Variants in PBRM1 observed in about 807,000 individuals in gnomAD.
PBRM1 encodes the protein polybromo 1.
In PBRM1, 27 loss-of-function variants were observed where a neutral mutation model predicts 194.5. That is an observed-to-expected ratio of 0.14 (90% CI 0.10 to 0.19). The LOEUF is 0.19. Ranked by LOEUF, PBRM1 falls within the 10% of genes least tolerant of loss-of-function variation. PBRM1 has a pLI of 1.00. For missense variants in PBRM1, 1,466 were observed against 2,077.2 expected (o/e 0.71, Z 5.72); for synonymous variants, 655 against 693.2 (o/e 0.94, Z 0.87).
At chr3:52,652,111 C>A (rs115689148) in intron 5 of PBRM1, among the ~76,000 whole-genome samples, 1 of 152,164 alleles carries the variant, frequency 6.6e-6, no homozygotes, top group Non-Finnish European at 1.5e-5. Flanking sequence ...GGGCCGGGTG[C>A]GGTAGCTCAC....
At chr3:52,635,028 C>A (rs2095755522) in intron 10 of PBRM1, among the ~76,000 whole-genome samples, 1 of 152,092 alleles carries the variant, frequency 6.6e-6, no homozygotes, top group Non-Finnish European at 1.5e-5. Flanking sequence ...GGGACTCAAG[C>A]AGTTCTCCCA....
chr3:52,631,748 G>A (rs189494534), intron 11 of PBRM1, among the ~76,000 whole-genome samples: 21 of 152,160 alleles, frequency 1.4e-4, no homozygotes, highest in African/African-American at 3.4e-4. Context: ...AAGGCACAGC[G>A]GGACCAATTA....
At chr3:52,588,889 A>T (rs567643953) in intron 18 of PBRM1, among the ~76,000 whole-genome samples, 181 bp downstream of exon 20, 4 of 152,138 alleles carry the variant, frequency 2.6e-5, no homozygotes, top group Non-Finnish European at 5.9e-5. Flanking sequence ...CAACTGTGAC[A>T]CTTGCCCAAT....
intron 3 of PBRM1, 74 bp downstream of exon 4, chr3:52,668,424 T>A: frequency 9.0e-7 from 1 of 1,114,424 alleles, no homozygotes; most frequent in Admixed American, 3.0e-5. Context: ...CTGCCAGGTT[T>A]ATAAATATTA....
At chr3:52,579,655 A>C (rs370205100) in intron 20 of PBRM1, among the ~76,000 whole-genome samples, 41 of 152,040 alleles carry the variant, frequency 2.7e-4, no homozygotes, top group Non-Finnish European at 5.3e-4. Context: ...ACTCTGAAGG[A>C]GGCTAGGAAA....
At chr3:52,632,105 T>C (rs2095637831) in intron 11 of PBRM1, among the ~76,000 whole-genome samples, 1 of 152,250 alleles carries the variant, frequency 6.6e-6, no homozygotes, top group Admixed American at 6.5e-5. Context: ...GGTTTACAAA[T>C]ACCTCTTTGA....
intron 13 of PBRM1, among the ~76,000 whole-genome samples, chr3:52,626,523 T>C (rs1242812679): frequency 1.7e-4 from 26 of 152,210 alleles, no homozygotes; most frequent in Admixed American, 1.7e-3. Flanking sequence ...CTTCCCTGGA[T>C]TGACTGTTGC....
At chr3:52,678,631 A>C (rs753786325) in intron 1 of PBRM1, 34 bp from the exon 3 acceptor site, 2 of 1,345,210 alleles carry the variant, frequency 1.5e-6, no homozygotes, top group South Asian at 2.4e-5. Context: ...AAATCACTAA[A>C]AAAGTGAACA....
chr3:52,619,317 G>C (rs985904784), intron 13 of PBRM1, among the ~76,000 whole-genome samples: 1 of 152,210 alleles, frequency 6.6e-6, no homozygotes, highest in African/African-American at 2.4e-5. Flanking sequence ...TCAAGTCCCT[G>C]ATACAAAATG....
At chr3:52,582,887 G>A (rs999725764) in intron 20 of PBRM1, among the ~76,000 whole-genome samples, 2 of 150,958 alleles carry the variant, frequency 1.3e-5, no homozygotes, top group African/African-American at 2.4e-5. Context: ...CATGAGGTCA[G>A]GAGATCGAGA....
At chr3:52,565,653 ACAACT>A (rs2153542721) in intron 22 of PBRM1, among the ~76,000 whole-genome samples, 1 of 152,334 alleles carries the variant, frequency 6.6e-6, no homozygotes, top group East Asian at 1.9e-4. Flanking sequence ...ATATATTCCT[ACAACT>A]CAACATTAAG....
chr3:52,631,891 G>C (rs991168228), intron 11 of PBRM1, among the ~76,000 whole-genome samples: 11 of 152,174 alleles, frequency 7.2e-5, no homozygotes, highest in Non-Finnish European at 2.9e-5. Context: ...AATTCACAGA[G>C]ACTGATTCAA....
chr3:52,562,897 G>A (rs1289640559), intron 24 of PBRM1, among the ~76,000 whole-genome samples: 1 of 151,948 alleles, frequency 6.6e-6, no homozygotes, highest in Non-Finnish European at 1.5e-5. Flanking sequence ...TCAACCAAAA[G>A]ATGAGGTCCT....
At chr3:52,658,127 G>C in intron 5 of PBRM1, 72 bp downstream of exon 6, 1 of 775,008 alleles carries the variant, frequency 1.3e-6, no homozygotes, top group Non-Finnish European at 2.3e-6. Flanking sequence ...TTATTTATCA[G>C]TAATTAATAC....
chr3:52,627,221 A>C, intron 13 of PBRM1, 52 bp downstream of exon 14: 2 of 1,005,056 alleles, frequency 2.0e-6, no homozygotes, highest in Non-Finnish European at 3.1e-6. Context: ...CACTTATCTA[A>C]AACAAAATTA....
intron 10 of PBRM1, among the ~76,000 whole-genome samples, chr3:52,637,172 G>C (rs190971130): frequency 2.0e-4 from 30 of 151,980 alleles, no homozygotes; most frequent in Admixed American, 2.0e-3. Flanking sequence ...TACTGTAAGC[G>C]GCATCTTTTA....
intron 21 of PBRM1, among the ~76,000 whole-genome samples, chr3:52,577,398 T>C (rs919705245): frequency 1.6e-5 from 2 of 125,482 alleles, no homozygotes; most frequent in Non-Finnish European, 3.1e-5. Context: ...GCCACTGCAT[T>C]CCAGCCTAGG....
rs537272465 is a variant in PBRM1, at chr3:52,654,581, T to C, written c.646-2771A>G. Among the ~76,000 whole-genome samples, 8 of 152,180 alleles carry C rather than the reference T, an allele frequency of 5.3e-5. No homozygotes were observed. The South Asian group carries it at 1.0e-3, about 20-fold the overall frequency. On this transcript the variant is annotated intron_variant, in intron 5 of 29. Coordinates refer to ENST00000296302, the Ensembl canonical transcript of PBRM1. ...AAACTGTCACACCCTGAGAGACCAA[T>C]AGAAACCTGCTTTTCCCAACCAGCT...
intron 2 of PBRM1, among the ~76,000 whole-genome samples, chr3:52,673,148 C>T (rs749814100): frequency 1.1e-4 from 17 of 151,132 alleles, no homozygotes; most frequent in African/African-American, 3.2e-4. Flanking sequence ...CCACCACGCC[C>T]GGCTAATTTT....
Sources: gnomAD v4.1 joint callset for allele counts (sites outside exome capture counted in the v4.1 genomes callset) on GRCh38, gnomAD v4.1.1 for gene constraint, MANE v1.5 for transcripts, NCBI Gene and HGNC (gene_info 2026-07-23, HGNC 2026-07-21) for gene names.